The following SP4 variants were observed in gnomAD, a reference collection of about 807,000 sequenced individuals.
SP4 encodes the protein transcription factor Sp4.
SP4 carries 19 observed loss-of-function variants against 72.8 expected under a neutral mutation model. The observed-to-expected ratio is 0.26, with a 90% confidence interval of 0.18 to 0.38. SP4 has a LOEUF of 0.38. Ranked by LOEUF, SP4 falls within the 10% of genes least tolerant of loss-of-function variation. SP4 has a pLI of 1.00. For missense variants in SP4, 1,008 were observed against 926.3 expected (o/e 1.09, Z -1.14); for synonymous variants, 395 against 333.1 (o/e 1.19, Z -2.02).
chr7:21,508,470 G>T (rs1049364283), intron 5 of SP4, among the ~76,000 whole-genome samples: 2 of 152,250 alleles, frequency 1.3e-5, no homozygotes, highest in Admixed American at 1.3e-4. Context: ...GGGATTACAG[G>T]CGTGCATCAC....
At chr7:21,509,185 C>G (rs897040917) in intron 5 of SP4, among the ~76,000 whole-genome samples, 3 of 152,050 alleles carry the variant, frequency 2.0e-5, no homozygotes, top group Middle Eastern at 3.4e-3. Flanking sequence ...AGTAATAGTT[C>G]AGAAGTTTCT....
intron 5 of SP4, among the ~76,000 whole-genome samples, chr7:21,503,282 G>T (rs1781914619): frequency 6.6e-6 from 1 of 152,168 alleles, no homozygotes; most frequent in African/African-American, 2.4e-5. Flanking sequence ...ATAGCCGGAA[G>T]ATCTGTAGCT....
chr7:21,470,201 A>G (rs1371565636), intron 3 of SP4, among the ~76,000 whole-genome samples: 1 of 152,242 alleles, frequency 6.6e-6, no homozygotes, highest in Non-Finnish European at 1.5e-5. Context: ...TTAGATTATC[A>G]TTCGCTTTAT....
rs368087531 is a variant in SP4 at position 21,490,288 on chromosome 7, A to G, written c.2107+8165A>G. 1.1e-3 allele frequency among the ~76,000 whole-genome samples: 165 copies of G among 152,324 alleles called. 1 individual carries two copies. Among genetic ancestry groups the G allele is most frequent in the African/African-American group, 3.8e-3 (160 of 41,574 alleles). On this transcript the variant is annotated intron_variant, in intron 5 of 5. Coordinates refer to ENST00000222584, the MANE Select transcript of SP4 (RefSeq NM_003112.5). ...GCATAGCAGGTGCAGGTAGCAAACA[A>G]TCTAAGAGAAACCTCTTGTATCTAA... is the stretch of plus-strand genomic sequence containing the variant.
intron 5 of SP4, among the ~76,000 whole-genome samples, chr7:21,510,175 A>ACCC (rs1265708484): frequency 5.3e-5 from 8 of 152,152 alleles, no homozygotes. Flanking sequence ...ACAGAGCCAA[A>ACCC]CCCTATCACT....
chr7:21,442,356 A>G (rs75602316), intron 3 of SP4, among the ~76,000 whole-genome samples: 6,117 of 152,212 alleles, frequency 0.04, 159 homozygotes, highest in Non-Finnish European at 0.056. Flanking sequence ...TAAATCTATA[A>G]AATTAAAACA....
intron 5 of SP4, among the ~76,000 whole-genome samples, chr7:21,501,615 G>GGGCTA (rs1180996989): frequency 6.6e-6 from 1 of 152,188 alleles, no homozygotes; most frequent in Non-Finnish European, 1.5e-5. Context: ...TAAGGATTGA[G>GGGCTA]GGCTACCATG....
chr7:21,428,799 G>C lies in SP4; in HGVS notation c.123+7G>C, dbSNP rs758513409. The stretch of plus-strand genomic sequence containing the variant: ...CAAAACCTCAGGCTCCCAGGTAAAA[G>C]CAAACAAATTAAAAAAATTCATCAC... On this transcript the variant is annotated splice_region_variant and intron_variant, in intron 2 of 5. Coordinates refer to ENST00000222584, the MANE Select transcript of SP4 (RefSeq NM_003112.5). 6.5e-7 allele frequency: 1 copy of C among 1,544,388 alleles called. No homozygotes were observed. Among genetic ancestry groups the C allele is most frequent in the South Asian group, 1.2e-5 (1 of 83,206 alleles).
At chr7:21,463,165 A>C (rs866527981) in intron 3 of SP4, among the ~76,000 whole-genome samples, 2 of 152,020 alleles carry the variant, frequency 1.3e-5, no homozygotes, top group African/African-American at 2.4e-5. Context: ...TGTTTGGAGA[A>C]CCAGTCAGAT....
chr7:21,475,402 C>A lies in SP4; in HGVS notation c.1679-1677C>A, dbSNP rs910989743. ...GTGCTGGGATTACAGGCCTGAGCCACCACGCCTGGCCTGAAAGAAACCCTT... is the reference window on the plus strand; with the variant it reads ...GTGCTGGGATTACAGGCCTGAGCCAACACGCCTGGCCTGAAAGAAACCCTT... On this transcript the variant is annotated intron_variant, in intron 3 of 5. Coordinates refer to ENST00000222584, the MANE Select transcript of SP4 (RefSeq NM_003112.5). Among the ~76,000 whole-genome samples the A allele has an allele frequency of 2.6e-5, 4 of 152,128 alleles. No homozygotes were observed. The South Asian group carries it at 8.3e-4, about 32-fold the overall frequency.
At chr7:21,437,303 C>T (rs927973908) in intron 3 of SP4, among the ~76,000 whole-genome samples, 3 of 152,152 alleles carry the variant, frequency 2.0e-5, no homozygotes, top group Non-Finnish European at 2.9e-5. Context: ...AGGTTCATAT[C>T]TTCTTTCTTT....
At chr7:21,457,956 CAT>C (rs1336974583) in intron 3 of SP4, among the ~76,000 whole-genome samples, 2 of 151,932 alleles carry the variant, frequency 1.3e-5, no homozygotes, top group Non-Finnish European at 2.9e-5. Context: ...GAAATAGTAA[CAT>C]AGGTATTGTA....
At chr7:21,448,343 T>C (rs1783489014) in intron 3 of SP4, among the ~76,000 whole-genome samples, 1 of 152,238 alleles carries the variant, frequency 6.6e-6, no homozygotes, top group Non-Finnish European at 1.5e-5. Context: ...TCATTAATTA[T>C]TAAGAATCCT....
At chr7:21,447,459 G>A (rs75224552) in intron 3 of SP4, among the ~76,000 whole-genome samples, 2 of 152,088 alleles carry the variant, frequency 1.3e-5, no homozygotes, top group Non-Finnish European at 2.9e-5. Context: ...GAGTTAGATG[G>A]ATCTTTGTAT....
intron 5 of SP4, among the ~76,000 whole-genome samples, chr7:21,492,213 A>G (rs12672629): frequency 0.77 from 116,663 of 152,180 alleles, 45,317 homozygotes; most frequent in East Asian, 0.9. Context: ...AAGTTGTTAT[A>G]TATATTTTGA....
At chr7:21,481,497 T>C (rs899238138) in intron 4 of SP4, among the ~76,000 whole-genome samples, 4 of 152,210 alleles carry the variant, frequency 2.6e-5, no homozygotes, top group African/African-American at 9.6e-5. Flanking sequence ...TTTTGCTTTT[T>C]TTAGAATTTT....
At chr7:21,503,061 G>A (rs1781909624) in intron 5 of SP4, among the ~76,000 whole-genome samples, 1 of 152,092 alleles carries the variant, frequency 6.6e-6, no homozygotes, top group African/African-American at 2.4e-5. Flanking sequence ...GGCTGTCTCA[G>A]TGGTCAGGAG....
chr7:21,497,220 G>A (rs538055012), intron 5 of SP4, among the ~76,000 whole-genome samples: 1 of 152,212 alleles, frequency 6.6e-6, no homozygotes, highest in Admixed American at 6.5e-5. Context: ...TTTATAAGTG[G>A]AGTCTTCAGG....
chr7:21,431,008 C>G (rs1021574087), intron 3 of SP4, among the ~76,000 whole-genome samples, 165 bp downstream of exon 3: 5 of 152,154 alleles, frequency 3.3e-5, no homozygotes, highest in Non-Finnish European at 7.3e-5. Flanking sequence ...CTGTAGTAAT[C>G]AATGTGACAT....
Sources: allele counts gnomAD v4.1 joint callset (sites outside exome capture counted in the v4.1 genomes callset), GRCh38; gene constraint gnomAD v4.1.1; transcripts MANE v1.5; gene names NCBI Gene and HGNC (gene_info 2026-07-23, HGNC 2026-07-21).